FSTL5: variants seen among roughly 807,000 people sequenced by gnomAD.
FSTL5 encodes follistatin like 5.
Under a neutral mutation model 89.1 loss-of-function variants are expected in FSTL5, and 62 were observed. That is an observed-to-expected ratio of 0.70 (90% confidence interval 0.57 to 0.86). The LOEUF (loss-of-function observed/expected upper bound fraction) is 0.86. Ranked by LOEUF, FSTL5 falls within the 40% of genes least tolerant of loss-of-function variation. FSTL5 has a pLI of 0.00. For missense variants in FSTL5, 1,057 were observed against 1,001.6 expected (o/e 1.06, Z -0.75); for synonymous variants, 383 against 346.2 (o/e 1.11, Z -1.18).
chr4:162,052,616 G>A lies in FSTL5; in HGVS notation c.127-18958C>T, dbSNP rs147227776. Among the ~76,000 whole-genome samples, 14 of 151,704 alleles carry A rather than the reference G, an allele frequency of 9.2e-5. No individual in the cohort carries two copies. In the East Asian group the frequency reaches 2.3e-3, roughly 25 times the overall value. Reference sequence around the variant, plus strand: ...AGAGTTTTCTGTGGCAATTCATGTCGTCATTGATTTGTACCAATGGAGAAT... The same window carrying A: ...AGAGTTTTCTGTGGCAATTCATGTCATCATTGATTTGTACCAATGGAGAAT... On this transcript the variant is annotated intron_variant, in intron 2 of 15. Coordinates refer to ENST00000306100, the MANE Select transcript of FSTL5 (RefSeq NM_020116.5).
At chr4:161,903,773 GT>G (rs35038945) in intron 4 of FSTL5, among the ~76,000 whole-genome samples, 7,145 of 149,398 alleles carry the variant, frequency 0.048, 213 homozygotes, top group Non-Finnish European at 0.07. Flanking sequence ...TACATTTAGT[GT>G]TTTTTTTTTC....
At chr4:161,687,962 T>G (rs1445347903) in intron 6 of FSTL5, among the ~76,000 whole-genome samples, 1 of 152,348 alleles carries the variant, frequency 6.6e-6, no homozygotes, top group South Asian at 2.1e-4. Flanking sequence ...TCCTCTGCCA[T>G]GTGTAGACAC....
At chr4:162,097,228 A>T (rs924580141) in intron 2 of FSTL5, among the ~76,000 whole-genome samples, 3 of 151,746 alleles carry the variant, frequency 2.0e-5, no homozygotes, top group Non-Finnish European at 4.4e-5. Context: ...GATTATCCTT[A>T]GTGTCTGATA....
chr4:161,837,639 C>A (rs1274200004), intron 4 of FSTL5, among the ~76,000 whole-genome samples: 2 of 152,002 alleles, frequency 1.3e-5, no homozygotes, highest in Non-Finnish European at 2.9e-5. Flanking sequence ...TATGAGGTGT[C>A]TTCTATCATA....
chr4:161,412,564 G>A (rs1057303470), intron 15 of FSTL5, among the ~76,000 whole-genome samples: 6 of 152,048 alleles, frequency 3.9e-5, no homozygotes, highest in African/African-American at 1.4e-4. Context: ...ATGAGTTAAT[G>A]GGTGCAGCAA....
chr4:161,916,655 A>T (rs1733847781), intron 4 of FSTL5, among the ~76,000 whole-genome samples: 1 of 152,184 alleles, frequency 6.6e-6, no homozygotes, highest in Non-Finnish European at 1.5e-5. Flanking sequence ...AAATTAGACA[A>T]ATATTATATT....
At chr4:162,064,528 G>A (rs958572835) in intron 2 of FSTL5, among the ~76,000 whole-genome samples, 3 of 152,012 alleles carry the variant, frequency 2.0e-5, no homozygotes, top group Admixed American at 2.0e-4. Flanking sequence ...CTTACTATTT[G>A]AGTGAGGATA....
At chr4:161,565,780 CACAT>C (rs1251446128) in intron 8 of FSTL5, among the ~76,000 whole-genome samples, 33 of 147,264 alleles carry the variant, frequency 2.2e-4, no homozygotes, top group African/African-American at 8.4e-4. Context: ...CACACACACA[CACAT>C]ATATATGATA....
intron 14 of FSTL5, among the ~76,000 whole-genome samples, chr4:161,458,568 C>G (rs1476806945): frequency 6.6e-6 from 1 of 152,120 alleles, no homozygotes; most frequent in Non-Finnish European, 1.5e-5. Context: ...ATATTCAAGG[C>G]AGTAGCAAAA....
intron 15 of FSTL5, among the ~76,000 whole-genome samples, chr4:161,414,116 T>C (rs551448659): frequency 3.1e-4 from 47 of 152,298 alleles, no homozygotes; most frequent in African/African-American, 1.1e-3. Context: ...GTTAGGTGAA[T>C]TTCACTTCAA....
At chr4:161,877,558 G>T (rs1029733116) in intron 4 of FSTL5, among the ~76,000 whole-genome samples, 1 of 151,282 alleles carries the variant, frequency 6.6e-6, no homozygotes, top group African/African-American at 2.4e-5. Context: ...AATTAATCCA[G>T]GTTCACTCCT....
intron 2 of FSTL5, among the ~76,000 whole-genome samples, chr4:162,080,511 T>C (rs1197495895): frequency 6.6e-6 from 1 of 151,638 alleles, no homozygotes; most frequent in Admixed American, 6.6e-5. Flanking sequence ...AATTTCTAAG[T>C]GAGAGAGTAG....
intron 4 of FSTL5, among the ~76,000 whole-genome samples, chr4:161,851,546 T>C (rs1446826074): frequency 2.0e-5 from 3 of 152,136 alleles, no homozygotes; most frequent in South Asian, 2.1e-4. Context: ...TATGCACATA[T>C]GTATATGCAT....
intron 2 of FSTL5, among the ~76,000 whole-genome samples, chr4:162,038,922 T>C (rs891880849): frequency 3.3e-5 from 5 of 151,842 alleles, no homozygotes; most frequent in African/African-American, 1.2e-4. Flanking sequence ...TGTCCTCCCT[T>C]TTCATACTAT....
intron 15 of FSTL5, among the ~76,000 whole-genome samples, chr4:161,394,539 T>G (rs1053497825): frequency 1.3e-5 from 2 of 152,160 alleles, no homozygotes; most frequent in Admixed American, 1.3e-4. Flanking sequence ...CCTCCCAAAG[T>G]GCAGAGATTA....
intron 3 of FSTL5, among the ~76,000 whole-genome samples, chr4:161,967,257 T>C (rs1735355771): frequency 6.6e-6 from 1 of 152,094 alleles, no homozygotes; most frequent in Non-Finnish European, 1.5e-5. Flanking sequence ...TTGAGTATTG[T>C]TGAGAAACTC....
chr4:161,819,358 G>C (rs1730424224), intron 4 of FSTL5, among the ~76,000 whole-genome samples: 1 of 151,996 alleles, frequency 6.6e-6, no homozygotes, highest in Non-Finnish European at 1.5e-5. Flanking sequence ...TTTGTTCACT[G>C]AGTTGGTTCT....
At chr4:161,403,344 A>G (rs1406749726) in intron 15 of FSTL5, among the ~76,000 whole-genome samples, 1 of 152,210 alleles carries the variant, frequency 6.6e-6, no homozygotes, top group Non-Finnish European at 1.5e-5. Flanking sequence ...CGAAAAAACA[A>G]GAGGAATCTT....
intron 4 of FSTL5, among the ~76,000 whole-genome samples, chr4:161,898,918 C>T (rs547818005): frequency 3.9e-5 from 6 of 152,118 alleles, no homozygotes; most frequent in South Asian, 4.2e-4. Flanking sequence ...CCTGAGCCAC[C>T]GCGCCCAGCC....
Sources: gnomAD v4.1 joint callset for allele counts (sites outside exome capture counted in the v4.1 genomes callset) on GRCh38, gnomAD v4.1.1 for gene constraint, MANE v1.5 for transcripts, NCBI Gene and HGNC (gene_info 2026-07-23, HGNC 2026-07-21) for gene names.